KLHL25: variants seen among roughly 807,000 people sequenced by gnomAD.
KLHL25 encodes the protein kelch-like protein 25.
A neutral mutation model predicts 30.0 loss-of-function variants in KLHL25; 41 were observed. The ratio of observed to expected loss-of-function variants is 1.37; its 90% confidence interval spans 1.07 to 1.78. The LOEUF is 1.78. Ranked by LOEUF, KLHL25 falls within the 40% of genes most tolerant of loss-of-function variation. The pLI is 0.00. For synonymous variants in KLHL25, 399 were observed against 355.3 expected (o/e 1.12, Z -1.38); for missense variants, 971 against 824.5 (o/e 1.18, Z -2.18).
intron 1 of KLHL25, among the ~76,000 whole-genome samples, chr15:85,777,964 A>C (rs1351297833): frequency 2.6e-5 from 4 of 152,192 alleles, no homozygotes; most frequent in Non-Finnish European, 5.9e-5. Context: ...CCTCACAACC[A>C]AGCTCAACAT....
chr15:85,769,874 T>A, intron 1 of KLHL25, 54 bp from the exon 2 acceptor site: 1 of 1,413,678 alleles, frequency 7.1e-7, no homozygotes, highest in Non-Finnish European at 9.6e-7. Context: ...CCATCTGCCC[T>A]CTCAGGGCTC....
At chr15:85,781,777 C>T (rs1036746648) in intron 1 of KLHL25, among the ~76,000 whole-genome samples, 2 of 152,128 alleles carry the variant, frequency 1.3e-5, no homozygotes, top group African/African-American at 4.8e-5. Context: ...AGCCACCGCG[C>T]CTGGCCAGAA....
chr15:85,780,999 G>C (rs1401473387), intron 1 of KLHL25, among the ~76,000 whole-genome samples: 2 of 152,048 alleles, frequency 1.3e-5, no homozygotes, highest in Non-Finnish European at 2.9e-5. Flanking sequence ...GATAAACCTG[G>C]GTACACGCAC....
chr15:85,768,422 C>T lies in KLHL25; in HGVS notation c.1389G>A (p.Gln463=). The change falls in exon 2 of 3, where the codon CAG becomes CAA. Residue 463 remains glutamine (Q), a synonymous_variant. Transcript: ENST00000337975. ...SIHRDMVSKV[Q]CYDPSENRWT... ...ACCTGTTCTCCGAGGGGTCATAGCACTGGACCTTGGACACCATGTCCCGGT... is the reference window on the plus strand; with the variant it reads ...ACCTGTTCTCCGAGGGGTCATAGCATTGGACCTTGGACACCATGTCCCGGT... The T allele has an allele frequency of 6.2e-7, 1 of 1,613,580 alleles. No individual in the cohort carries two copies. The highest frequency in any genetic ancestry group is 1.1e-5 in the South Asian group (1 of 91,064).
intron 1 of KLHL25, among the ~76,000 whole-genome samples, chr15:85,772,514 A>T (rs2089683119): frequency 6.6e-6 from 1 of 152,216 alleles, no homozygotes; most frequent in Non-Finnish European, 1.5e-5. Context: ...AGACAGCCCC[A>T]GCTGGAATCC....
In KLHL25 at chr15:85,769,729, G is replaced by A. The variant is rs756417766; in HGVS notation, c.82C>T (p.His28Tyr). The change falls in exon 2 of 3, where the codon CAC becomes TAC. Residue 28 changes from histidine to tyrosine, a missense_variant. Physicochemically the swap from His to Tyr is moderately conservative, Grantham distance 83. Coordinates refer to ENST00000337975, the MANE Select transcript of KLHL25 (RefSeq NM_022480.4). The part of the protein sequence containing the change: ...MNVTLFHKAS[H>Y]PDCVLAHLNT... Reference sequence around the variant, plus strand: ...AGGTGGGCCAGCACACAGTCCGGGTGGGAGGCCTTGTGGAAGAGGGTGACG... The same window carrying A: ...AGGTGGGCCAGCACACAGTCCGGGTAGGAGGCCTTGTGGAAGAGGGTGACG... The A allele has an allele frequency of 1.9e-6, 3 of 1,613,902 alleles. No individual in the cohort carries two copies. The highest frequency in any genetic ancestry group is 2.5e-6 in the Non-Finnish European group (3 of 1,180,050).
intron 2 of KLHL25, among the ~76,000 whole-genome samples, chr15:85,767,802 T>C (rs1325431087): frequency 6.6e-6 from 1 of 152,246 alleles, no homozygotes; most frequent in Non-Finnish European, 1.5e-5. Flanking sequence ...CCATGGTTAC[T>C]GTCCCCATTT....
At chr15:85,782,814 T>C (rs955514721) in intron 1 of KLHL25, among the ~76,000 whole-genome samples, 2 of 152,190 alleles carry the variant, frequency 1.3e-5, no homozygotes. Flanking sequence ...CGGTAGCCTT[T>C]CTTCTACTGC....
At chr15:85,794,049 G>A (rs1223688277) in intron 1 of KLHL25, among the ~76,000 whole-genome samples, 3 of 152,230 alleles carry the variant, frequency 2.0e-5, no homozygotes, top group Non-Finnish European at 4.4e-5. Flanking sequence ...GAAAGAGACA[G>A]GGGGAGTGGG....
At chr15:85,784,559 C>G (rs970763068) in intron 1 of KLHL25, among the ~76,000 whole-genome samples, 1 of 145,962 alleles carries the variant, frequency 6.9e-6, no homozygotes, top group Non-Finnish European at 1.5e-5. Flanking sequence ...AAAAAAAAAG[C>G]AGAGTTTTCT....
chr15:85,782,477 A>C (rs1268304933), intron 1 of KLHL25, among the ~76,000 whole-genome samples: 10 of 140,224 alleles, frequency 7.1e-5, no homozygotes, highest in Non-Finnish European at 9.2e-5. Flanking sequence ...GCTTTGTCCC[A>C]CCCCCAGCCC....
At chr15:85,762,295 A>C (rs371998975) in intron 2 of KLHL25, 1 of 152,330 alleles carries the variant, frequency 6.6e-6, no homozygotes, top group African/African-American at 2.4e-5. Context: ...CCTTCAGGGC[A>C]AGGCCTCACT....
At position 85,768,268 on chromosome 15, in the gene KLHL25, T is replaced by C. The variant is rs773537381; in HGVS notation, c.1543A>G (p.Thr515Ala). Residue 515 changes from threonine to alanine, a missense_variant, in exon 2 of 3, where the codon ACC becomes GCC. Transcript: ENST00000337975. ...TCCCCAATCCGCGTCCACTGGTTGG[T>C]CTCACAGTCAAAGCGGTAGGCCGAG... ...AASAYRFDCE[T>A]NQWTRIGDMT... The C allele has an allele frequency of 3.1e-6, 5 of 1,614,112 alleles. No individual in the cohort carries two copies. In the South Asian group the frequency reaches 5.5e-5, roughly 18 times the overall value.
In KLHL25 at chr15:85,768,426, AC is replaced by A; in HGVS notation, c.1384del (p.Val462SerfsTer63). The A allele has an allele frequency of 1.2e-6, 2 of 1,613,234 alleles. No homozygotes were observed. Among genetic ancestry groups the A allele is most frequent in the Non-Finnish European group, 1.7e-6 (2 of 1,179,734 alleles). On this transcript the variant is annotated frameshift_variant, in exon 2 of 3. Coordinates refer to ENST00000337975, the MANE Select transcript of KLHL25 (RefSeq NM_022480.4). LOFTEE classifies it high-confidence loss of function. ...GTTCTCCGAGGGGTCATAGCACTGG[AC>A]CTTGGACACCATGTCCCGGTGGATG... ...TSIHRDMVSK[V>X]QCYDPSENRW... is the part of the protein sequence containing the mutation.
At position 85,768,062 on chromosome 15, in the gene KLHL25, G is replaced by A; in HGVS notation, c.1749C>T (p.Thr583=). 9 of 1,612,396 alleles carry A rather than the reference G, an allele frequency of 5.6e-6. No homozygotes were observed. The highest frequency in any genetic ancestry group is 7.6e-6 in the Non-Finnish European group (9 of 1,178,586). ...CTCCTCACGCGGGCAGGTGCTTCCA[G>A]GTGCTGACAAAGGCCGTGGGGATAA... ...YSLIPTAFVS[T]WKHLPA Residue 583 remains threonine (T), a synonymous_variant, in exon 2 of 3, where the codon ACC becomes ACT. Coordinates refer to ENST00000337975, the MANE Select transcript of KLHL25 (RefSeq NM_022480.4).
intron 2 of KLHL25, chr15:85,763,506 AG>A (rs1239064212): frequency 6.6e-6 from 1 of 152,320 alleles, no homozygotes; most frequent in East Asian, 1.9e-4. Context: ...GGAGAATGAC[AG>A]GGAACTCGAT....
chr15:85,763,885 G>A (rs1378984152), intron 2 of KLHL25: 5 of 152,332 alleles, frequency 3.3e-5, no homozygotes, highest in Non-Finnish European at 7.3e-5. Context: ...ACTGCCAGAC[G>A]ACATTCTAGG....
chr15:85,768,945 CG>C lies in KLHL25; in HGVS notation c.865del (p.Arg289GlyfsTer56). 1 of 1,613,300 alleles carries C rather than the reference CG, an allele frequency of 6.2e-7. No homozygotes were observed. The highest frequency in any genetic ancestry group is 8.5e-7 in the Non-Finnish European group (1 of 1,180,046). ...TAGCGTGTGGCCCGCCTTGCGTGGC[CG>C]GGCACAGGGGCTGGTGACCACGCCA... The part of the protein sequence containing the change: ...NDGVVTSPCA[R>X]PRKAGHTLLI... On this transcript the variant is annotated frameshift_variant, in exon 2 of 3. Transcript: ENST00000337975. LOFTEE classifies it high-confidence loss of function.
In KLHL25 at chr15:85,768,042, C is replaced by T; in HGVS notation, c.1769G>A (p.Ter590=). The T allele has an allele frequency of 1.9e-6, 3 of 1,608,520 alleles. No homozygotes were observed. Among genetic ancestry groups the T allele is most frequent in the Non-Finnish European group, 2.6e-6 (3 of 1,175,890 alleles). The change falls in exon 2 of 3, where the codon TGA becomes TAA. Residue 590 remains the stop codon, a stop_retained_variant. Transcript: ENST00000337975. ...FVSTWKHLPA[*] is the part of the protein sequence containing the mutation. ...CTGGCTGGGCTCAGCAGGTGCTCCT[C>T]ACGCGGGCAGGTGCTTCCAGGTGCT...
Sources: allele counts gnomAD v4.1 joint callset (sites outside exome capture counted in the v4.1 genomes callset), GRCh38; gene constraint gnomAD v4.1.1; transcripts MANE v1.5; gene names NCBI Gene and HGNC (gene_info 2026-07-23, HGNC 2026-07-21).